Variants in ADAMTSL3 observed in about 807,000 individuals in gnomAD.
The protein encoded by ADAMTSL3 is ADAMTS like 3.
ADAMTSL3 carries 128 observed loss-of-function variants against 201.7 expected under a neutral mutation model. The ratio of observed to expected loss-of-function variants is 0.63; its 90% CI spans 0.55 to 0.73. The LOEUF (loss-of-function observed/expected upper bound fraction) is 0.73, where lower values mean the gene tolerates loss of function less well. Among genes scored for constraint, ADAMTSL3 ranks in the 30% least tolerant of loss-of-function variants. ADAMTSL3 has a pLI of 0.00. For synonymous variants in ADAMTSL3, 738 were observed against 748.4 expected, an observed-to-expected ratio of 0.99 and a Z score of 0.23; for missense variants, 1,990 against 2,119.6, an observed-to-expected ratio of 0.94 and a Z score of 1.20.
In ADAMTSL3 at chr15:84,039,037, G is replaced by A. The variant is rs193165039; in HGVS notation, c.*1231G>A. 2.6e-5 allele frequency: 4 copies of A among 152,766 alleles called. No homozygotes were observed. Among genetic ancestry groups the A allele is most frequent in the African/African-American group, 9.6e-5 (4 of 41,552 alleles). The allele number at this position is 152,766 out of a possible 1,614,324, so 9.5% of individuals were successfully genotyped here. On this transcript the variant is annotated 3_prime_UTR_variant, in exon 30 of 30. Coordinates refer to ENST00000286744, the MANE Select transcript of ADAMTSL3 (RefSeq NM_207517.3). ...AGGATGGAGGTTAGGTTTGGAGTAA[G>A]CGTTGTTGCTGAAGTGAGTTCAGGC...
At chr15:83,994,093 T>G (rs1440871112) in intron 23 of ADAMTSL3, among the ~76,000 whole-genome samples, 1 of 152,186 alleles carries the variant, frequency 6.6e-6, no homozygotes. Context: ...AGCTAGATGG[T>G]GATTCCCAAA....
intron 5 of ADAMTSL3, among the ~76,000 whole-genome samples, chr15:83,817,293 T>G (rs2063784808): frequency 6.6e-6 from 1 of 152,222 alleles, no homozygotes; most frequent in Admixed American, 6.5e-5. Context: ...GGCTGATAAT[T>G]TATCAATATC....
At chr15:83,840,778 T>G (rs1176735493) in intron 7 of ADAMTSL3, among the ~76,000 whole-genome samples, 1 of 152,196 alleles carries the variant, frequency 6.6e-6, no homozygotes. Context: ...GAGGAATGTA[T>G]CCTACTGGAA....
intron 19 of ADAMTSL3, among the ~76,000 whole-genome samples, chr15:83,958,234 A>G (rs1215080721): frequency 6.6e-6 from 1 of 152,198 alleles, no homozygotes; most frequent in Non-Finnish European, 1.5e-5. Flanking sequence ...TAGGTCTGAG[A>G]CCAATCAGCC....
chr15:83,695,427 A>T (rs2061675433), intron 2 of ADAMTSL3, among the ~76,000 whole-genome samples: 1 of 151,936 alleles, frequency 6.6e-6, no homozygotes, highest in African/African-American at 2.4e-5. Flanking sequence ...GAGCCTGTCC[A>T]TGTAAACAGC....
At chr15:83,884,977 C>A (rs528514610) in intron 9 of ADAMTSL3, 124 bp from the exon 10 acceptor site, 1 of 626,432 alleles carries the variant, frequency 1.6e-6, no homozygotes, top group Non-Finnish European at 2.8e-6. Flanking sequence ...GACTCTTGCC[C>A]CATAGTTTTT....
rs75574341 is a variant in ADAMTSL3, at chr15:83,848,718, A to C, written c.728-10048A>C. ...TTGGGCAAGTCACTTTAACCTTATAAAATTTTAATTGTCTTAATTATAGAA... is the reference window on the plus strand; with the variant it reads ...TTGGGCAAGTCACTTTAACCTTATACAATTTTAATTGTCTTAATTATAGAA... On this transcript the variant is annotated intron_variant, in intron 7 of 29. Coordinates refer to ENST00000286744, the MANE Select transcript of ADAMTSL3 (RefSeq NM_207517.3). Among the ~76,000 whole-genome samples the C allele has an allele frequency of 2.4e-3, 367 of 152,320 alleles. 2 individuals carry two copies. Among genetic ancestry groups the C allele is most frequent in the Non-Finnish European group, 3.6e-3 (242 of 68,022 alleles).
chr15:83,672,459 C>T (rs946020160), intron 2 of ADAMTSL3, among the ~76,000 whole-genome samples: 2 of 152,142 alleles, frequency 1.3e-5, no homozygotes, highest in African/African-American at 4.8e-5. Context: ...TGGGTATTCT[C>T]CGTGAAGCTG....
At chr15:83,851,728 T>A (rs1307674340) in intron 7 of ADAMTSL3, among the ~76,000 whole-genome samples, 1 of 152,234 alleles carries the variant, frequency 6.6e-6, no homozygotes, top group Non-Finnish European at 1.5e-5. Flanking sequence ...TTAGTGTGTA[T>A]CCTTCCGGGG....
chr15:83,822,563 C>T (rs1232095106), intron 6 of ADAMTSL3, among the ~76,000 whole-genome samples: 44 of 148,312 alleles, frequency 3.0e-4, no homozygotes, highest in African/African-American at 9.1e-4. Context: ...GACGGGGCGG[C>T]GGGGCAGAGG....
chr15:83,692,604 T>C (rs1055790405), intron 2 of ADAMTSL3, among the ~76,000 whole-genome samples: 1 of 143,202 alleles, frequency 7.0e-6, no homozygotes, highest in African/African-American at 2.7e-5. Flanking sequence ...GAGAATGTCA[T>C]GAACCTGAGA....
intron 3 of ADAMTSL3, among the ~76,000 whole-genome samples, chr15:83,753,086 T>C (rs1387333178): frequency 6.6e-6 from 1 of 152,208 alleles, no homozygotes; most frequent in Non-Finnish European, 1.5e-5. Flanking sequence ...TGGTGAATGC[T>C]GTTGAGTCAG....
chr15:83,677,307 G>A (rs1217225253), intron 2 of ADAMTSL3, among the ~76,000 whole-genome samples: 1 of 152,140 alleles, frequency 6.6e-6, no homozygotes, highest in African/African-American at 2.4e-5. Flanking sequence ...TGATGGCGTT[G>A]TTTAGTTCTT....
chr15:83,949,043 A>C lies in ADAMTSL3; in HGVS notation c.2490+5961A>C, dbSNP rs138220267. 6.5e-3 allele frequency among the ~76,000 whole-genome samples: 995 copies of C among 152,226 alleles called. 10 individuals carry two copies. The highest frequency in any genetic ancestry group is 0.022 in the African/African-American group (923 of 41,536). Reference sequence around the variant, plus strand: ...ATTATATTATTTTAATTATTTTAAAAATGCAATTGAATTGTTTTTGGATAT... The same window carrying C: ...ATTATATTATTTTAATTATTTTAAACATGCAATTGAATTGTTTTTGGATAT... On this transcript the variant is annotated intron_variant, in intron 19 of 29. Transcript: ENST00000286744.
chr15:83,906,033 G>T (rs1298052989), intron 15 of ADAMTSL3, among the ~76,000 whole-genome samples: 2 of 151,808 alleles, frequency 1.3e-5, no homozygotes, highest in Non-Finnish European at 1.5e-5. Context: ...TTAACCAACT[G>T]CCCCTAGCAC....
chr15:84,037,170 G>T (rs2068527636), intron 29 of ADAMTSL3, among the ~76,000 whole-genome samples, 183 bp downstream of exon 29: 2 of 152,162 alleles, frequency 1.3e-5, no homozygotes, highest in Admixed American at 6.5e-5. Flanking sequence ...TGTGGGTGCA[G>T]CTGCATGTTC....
At chr15:83,664,451 A>G (rs1041364458) in intron 2 of ADAMTSL3, among the ~76,000 whole-genome samples, 1 of 151,960 alleles carries the variant, frequency 6.6e-6, no homozygotes, top group African/African-American at 2.4e-5. Context: ...CTTACCTCTC[A>G]CTGCGCTCTC....
At chr15:83,946,078 G>A (rs534190085) in intron 19 of ADAMTSL3, among the ~76,000 whole-genome samples, 6 of 152,282 alleles carry the variant, frequency 3.9e-5, no homozygotes, top group South Asian at 2.1e-4. Flanking sequence ...TGGATGCAGC[G>A]AGGGAGCACC....
intron 27 of ADAMTSL3, among the ~76,000 whole-genome samples, chr15:84,026,087 T>C (rs1478500824): frequency 1.3e-5 from 2 of 152,064 alleles, no homozygotes; most frequent in Non-Finnish European, 2.9e-5. Flanking sequence ...TTTAAAAAAG[T>C]ATTGGAGGTA....
Sources: gnomAD v4.1 joint callset for allele counts (sites outside exome capture counted in the v4.1 genomes callset) on GRCh38, gnomAD v4.1.1 for gene constraint, MANE v1.5 for transcripts, NCBI Gene and HGNC (gene_info 2026-07-23, HGNC 2026-07-21) for gene names.